ASAP1: variants seen among roughly 807,000 people sequenced by gnomAD.
ASAP1 encodes arf-GAP with SH3 domain, ANK repeat and PH domain-containing protein 1.
In ASAP1, 43 loss-of-function variants were observed where a neutral mutation model predicts 145.2. The observed-to-expected ratio is 0.30, with a 90% CI of 0.23 to 0.38. ASAP1 has a LOEUF of 0.38. Among genes scored for constraint, ASAP1 ranks in the 10% least tolerant of loss-of-function variants. The pLI is 1.00. For synonymous variants in ASAP1, 546 were observed against 515.5 expected (o/e 1.06, Z -0.80); for missense variants, 1,018 against 1,355.3 (o/e 0.75, Z 3.91).
At chr8:130,417,057 C>T (rs556672923) in intron 1 of ASAP1, among the ~76,000 whole-genome samples, 15 of 151,164 alleles carry the variant, frequency 9.9e-5, no homozygotes, top group East Asian at 1.9e-4. Flanking sequence ...CAACTGCATA[C>T]ACACATACAC....
intron 29 of ASAP1, among the ~76,000 whole-genome samples, chr8:130,056,949 T>G (rs1396391171): frequency 6.6e-6 from 1 of 152,242 alleles, no homozygotes; most frequent in Non-Finnish European, 1.5e-5. Context: ...ATGTGTGGAC[T>G]GCCCTCGCAG....
chr8:130,252,908 G>C (rs770838117), intron 3 of ASAP1, among the ~76,000 whole-genome samples: 1 of 151,704 alleles, frequency 6.6e-6, no homozygotes, highest in Non-Finnish European at 1.5e-5. Context: ...ATCTTTTCAG[G>C]ACAGTAAGAA....
Position 130,169,070 on chromosome 8 carries a change from A to T in ASAP1, c.747-3T>A. On this transcript the variant is annotated splice_polypyrimidine_tract_variant and splice_region_variant and intron_variant, in intron 9 of 29. Coordinates refer to ENST00000518721, the MANE Select transcript of ASAP1 (RefSeq NM_018482.4). ...TTTTCAAGCCATCTTGAAAGAAACT[A>T]CAATTAAAAAAATCAGAGATTTACC... 1 of 1,547,878 alleles carries T rather than the reference A, an allele frequency of 6.5e-7. No individual in the cohort carries two copies. Among genetic ancestry groups the T allele is most frequent in the Non-Finnish European group, 8.7e-7 (1 of 1,147,132 alleles).
At chr8:130,149,340 G>T (rs577061153) in intron 13 of ASAP1, among the ~76,000 whole-genome samples, 3 of 151,392 alleles carry the variant, frequency 2.0e-5, no homozygotes, top group Non-Finnish European at 4.4e-5. Flanking sequence ...GCATTACTTT[G>T]AATAGTTGGT....
chr8:130,068,165 T>C (rs10106205), intron 27 of ASAP1, among the ~76,000 whole-genome samples: 18,654 of 152,160 alleles, frequency 0.12, 1,588 homozygotes, highest in African/African-American at 0.24. Flanking sequence ...ACTGGATGCA[T>C]AAAGAAATGC....
intron 3 of ASAP1, among the ~76,000 whole-genome samples, chr8:130,254,858 T>C (rs1205556437): frequency 6.6e-6 from 1 of 152,170 alleles, no homozygotes; most frequent in Non-Finnish European, 1.5e-5. Context: ...TCTAACAACT[T>C]TAAACTTAGA....
intron 2 of ASAP1, among the ~76,000 whole-genome samples, chr8:130,395,044 T>C (rs1361404586): frequency 1.3e-5 from 2 of 152,134 alleles, no homozygotes; most frequent in Admixed American, 6.5e-5. Flanking sequence ...CTAAGGACAG[T>C]AGCAAGAAAG....
intron 3 of ASAP1, among the ~76,000 whole-genome samples, chr8:130,266,181 CAG>C (rs1338730076): frequency 6.6e-6 from 1 of 152,094 alleles, no homozygotes; most frequent in African/African-American, 2.4e-5. Context: ...CCCACCAGCA[CAG>C]AGAGATGCAA....
In ASAP1 at chr8:130,283,583, G is replaced by GAAAAA. The variant is rs745389921; in HGVS notation, c.187-46590_187-46589insTTTTT. On this transcript the variant is annotated intron_variant, in intron 3 of 29. Transcript: ENST00000518721. Reference sequence around the variant, plus strand: ...GGTGACAGAACAAGACTCCATCACAGAAAGAAAAAAAAAAAAAAAAAAAAA... The same window carrying GAAAAA: ...GGTGACAGAACAAGACTCCATCACAGAAAAAAAAGAAAAAAAAAAAAAAAAAAAAA... Among the ~76,000 whole-genome samples, 396 of 98,722 alleles carry GAAAAA rather than the reference G, an allele frequency of 4.0e-3. 33 individuals are homozygous for GAAAAA. The highest frequency in any genetic ancestry group is 4.6e-3 in the Non-Finnish European group (238 of 51,558). 64.8% of individuals were successfully genotyped at this position (98,722 alleles called of 152,430 possible). A position where few individuals can be genotyped will look rare whatever the true frequency, so the allele number is the denominator to read the frequency against.
chr8:130,281,594 T>G (rs1054424371), intron 3 of ASAP1, among the ~76,000 whole-genome samples: 39 of 152,244 alleles, frequency 2.6e-4, no homozygotes, highest in Middle Eastern at 3.4e-3. Context: ...ATAGTTTTTT[T>G]GGGGGGGTTA....
intron 4 of ASAP1, among the ~76,000 whole-genome samples, chr8:130,232,450 A>G (rs1817960636): frequency 6.6e-6 from 1 of 152,220 alleles, no homozygotes; most frequent in Admixed American, 6.5e-5. Context: ...CAAAACTTAG[A>G]GAACAACACA....
Position 130,358,450 on chromosome 8 carries a change from G to A in ASAP1, c.60-307C>T, listed in dbSNP as rs1050955846. Among the ~76,000 whole-genome samples, 38 of 148,526 alleles carry A rather than the reference G, an allele frequency of 2.6e-4. No homozygotes were observed. Among genetic ancestry groups the A allele is most frequent in the African/African-American group, 8.7e-4 (36 of 41,144 alleles). On this transcript the variant is annotated intron_variant, in intron 2 of 29. Coordinates refer to ENST00000518721, the MANE Select transcript of ASAP1 (RefSeq NM_018482.4). The surrounding 1 kb of genome is among the most constrained non-coding windows in gnomAD (Gnocchi z 4.1). ...CCGGCGGCGGCAGCTCCTCAGCGGC[G>A]GGGGAGGGGACGCGGCTGCGCGCGG...
intron 27 of ASAP1, among the ~76,000 whole-genome samples, chr8:130,075,070 G>A (rs2097459296): frequency 6.6e-6 from 1 of 152,224 alleles, no homozygotes; most frequent in East Asian, 1.9e-4. Context: ...GCTGGGGTCT[G>A]CTGCTAGAGA....
chr8:130,145,957 T>A (rs2097628574), intron 13 of ASAP1, among the ~76,000 whole-genome samples: 1 of 151,112 alleles, frequency 6.6e-6, no homozygotes, highest in African/African-American at 2.4e-5. Flanking sequence ...TCCTCCTGCC[T>A]GAGCCTCCCA....
chr8:130,257,222 G>A (rs772310397), intron 3 of ASAP1, among the ~76,000 whole-genome samples: 110 of 152,036 alleles, frequency 7.2e-4, no homozygotes, highest in Non-Finnish European at 1.3e-3. Context: ...CAGTCATTAT[G>A]GTACTACTTA....
chr8:130,090,095 T>A (rs527330456), intron 25 of ASAP1, among the ~76,000 whole-genome samples: 1 of 152,280 alleles, frequency 6.6e-6, no homozygotes, highest in African/African-American at 2.4e-5. Flanking sequence ...AAATGCTCCC[T>A]GACCCATCAA....
chr8:130,299,046 C>A (rs1324662531), intron 3 of ASAP1, among the ~76,000 whole-genome samples: 2 of 152,086 alleles, frequency 1.3e-5, no homozygotes, highest in Non-Finnish European at 2.9e-5. Flanking sequence ...GGCCTCTTAC[C>A]TAAGAGGACT....
intron 24 of ASAP1, among the ~76,000 whole-genome samples, chr8:130,093,288 T>C (rs1050909939): frequency 6.6e-6 from 1 of 152,224 alleles, no homozygotes. Context: ...AGGTATTCCA[T>C]GCTGGGCACT....
intron 2 of ASAP1, among the ~76,000 whole-genome samples, chr8:130,369,521 C>T (rs1203158912): frequency 6.6e-6 from 1 of 151,930 alleles, no homozygotes; most frequent in African/African-American, 2.4e-5. Flanking sequence ...TTTTGCAACC[C>T]AACAATAAAG....
Sources: gnomAD v4.1 joint callset for allele counts (sites outside exome capture counted in the v4.1 genomes callset) on GRCh38, gnomAD v4.1.1 for gene constraint, Gnocchi (gnomAD v3.1) non-coding constraint, MANE v1.5 for transcripts, NCBI Gene and HGNC (gene_info 2026-07-23, HGNC 2026-07-21) for gene names.